The following RNF180 variants were observed in gnomAD, a reference collection of about 807,000 sequenced individuals.
RNF180 encodes the protein ring finger protein 180.
A neutral mutation model predicts 59.2 loss-of-function variants in RNF180; 38 were observed. The observed-to-expected ratio is 0.64, with a 90% CI of 0.50 to 0.84. The LOEUF (loss-of-function observed/expected upper bound fraction) is 0.84, where lower values mean the gene tolerates loss of function less well. Ranked by LOEUF, RNF180 falls within the 40% of genes least tolerant of loss-of-function variation. The pLI is 0.00. For synonymous variants in RNF180, 262 were observed against 240.3 expected, an observed-to-expected ratio of 1.09 and a Z score of -0.84; for missense variants, 705 against 700.9, an observed-to-expected ratio of 1.01 and a Z score of -0.07.
chr5:64,350,348 T>G (rs1460193537), intron 7 of RNF180, among the ~76,000 whole-genome samples: 3 of 152,214 alleles, frequency 2.0e-5, no homozygotes, highest in Non-Finnish European at 4.4e-5. Flanking sequence ...AAAAATTTTC[T>G]CCCGTTCTGT....
intron 6 of RNF180, among the ~76,000 whole-genome samples, chr5:64,329,175 G>A (rs1286139116): frequency 6.6e-6 from 1 of 152,144 alleles, no homozygotes; most frequent in Non-Finnish European, 1.5e-5. Flanking sequence ...GAATGAAATA[G>A]ATTATGAAGT....
At chr5:64,260,981 C>G (rs1744306483) in intron 5 of RNF180, among the ~76,000 whole-genome samples, 1 of 150,554 alleles carries the variant, frequency 6.6e-6, no homozygotes, top group African/African-American at 2.4e-5. Flanking sequence ...GGATTTAATC[C>G]AACAGTCATG....
At chr5:64,225,452 G>A (rs12514446) in intron 5 of RNF180, among the ~76,000 whole-genome samples, 13,867 of 143,582 alleles carry the variant, frequency 0.097, 780 homozygotes, top group South Asian at 0.15. Flanking sequence ...GCCGGCCATC[G>A]TCTGGGATGT....
intron 5 of RNF180, among the ~76,000 whole-genome samples, chr5:64,242,834 C>T (rs1742882181): frequency 6.6e-6 from 1 of 152,178 alleles, no homozygotes; most frequent in Non-Finnish European, 1.5e-5. Context: ...GTCTGCAGCT[C>T]CCAATAAGAT....
Position 64,370,053 on chromosome 5 carries a change from T to C in RNF180, c.*239T>C, listed in dbSNP as rs1746608082. ...CAATGCACTATTAATTTCATAGTTG[T>C]TCTTGGGTTAGGATTTGGGGCTCTG... On this transcript the variant is annotated 3_prime_UTR_variant, in exon 8 of 8. Coordinates refer to ENST00000389100, the MANE Select transcript of RNF180 (RefSeq NM_001113561.2). 1 of 277,164 alleles carries C rather than the reference T, an allele frequency of 3.6e-6. No individual in the cohort carries two copies. Among genetic ancestry groups the C allele is most frequent in the African/African-American group, 2.2e-5 (1 of 45,902 alleles). 17.2% of individuals were successfully genotyped at this position (277,164 alleles called of 1,614,324 possible). A position where few individuals can be genotyped will look rare whatever the true frequency, so the allele number is the denominator to read the frequency against.
chr5:64,293,261 G>T (rs1230746780), intron 5 of RNF180, among the ~76,000 whole-genome samples: 2 of 152,122 alleles, frequency 1.3e-5, no homozygotes, highest in African/African-American at 4.8e-5. Flanking sequence ...GGGGGCTGTT[G>T]TCCCACTCTG....
chr5:64,204,587 G>T (rs1006453507), intron 2 of RNF180, among the ~76,000 whole-genome samples: 26 of 151,360 alleles, frequency 1.7e-4, no homozygotes, highest in Admixed American at 1.5e-3. Flanking sequence ...ACCTTTTTTT[G>T]GTTATTGTAT....
At chr5:64,343,876 G>C (rs1447388081) in intron 7 of RNF180, among the ~76,000 whole-genome samples, 4 of 151,466 alleles carry the variant, frequency 2.6e-5, no homozygotes, top group Admixed American at 2.0e-4. Flanking sequence ...AAGGATCCTA[G>C]CTGGAAGCAC....
chr5:64,205,853 T>C (rs1561187876), intron 2 of RNF180, among the ~76,000 whole-genome samples: 1 of 150,984 alleles, frequency 6.6e-6, no homozygotes, highest in Non-Finnish European at 1.5e-5. Context: ...TACTATCATA[T>C]AGGAACACTT....
intron 5 of RNF180, among the ~76,000 whole-genome samples, chr5:64,245,718 A>C (rs1223128376): frequency 6.6e-6 from 1 of 152,276 alleles, no homozygotes; most frequent in East Asian, 1.9e-4. Context: ...CGAGACAGAA[A>C]ATTTACAAGG....
At position 64,370,098 on chromosome 5, in the gene RNF180, A is replaced by G. The variant is rs1342282988; in HGVS notation, c.*284A>G. 1 of 195,872 alleles carries G rather than the reference A, an allele frequency of 5.1e-6. No individual in the cohort carries two copies. Among genetic ancestry groups the G allele is most frequent in the Non-Finnish European group, 1.0e-5 (1 of 97,358 alleles). The allele number at this position is 195,872 out of a possible 1,614,324, so 12.1% of individuals were successfully genotyped here. A position where few individuals can be genotyped will look rare whatever the true frequency, so the allele number is the denominator to read the frequency against. The stretch of plus-strand genomic sequence containing the variant: ...GCTCTGATTTTATAATATCACTTTA[A>G]TACTTATTTTGATTGTAAAAAACTG... On this transcript the variant is annotated 3_prime_UTR_variant, in exon 8 of 8. Transcript: ENST00000389100.
At chr5:64,242,972 G>A (rs1178460878) in intron 5 of RNF180, among the ~76,000 whole-genome samples, 2 of 152,218 alleles carry the variant, frequency 1.3e-5, no homozygotes, top group Non-Finnish European at 2.9e-5. Context: ...CACCTCACCT[G>A]AGAAGCACAA....
At chr5:64,285,989 G>T (rs554924884) in intron 5 of RNF180, among the ~76,000 whole-genome samples, 1 of 152,034 alleles carries the variant, frequency 6.6e-6, no homozygotes, top group Non-Finnish European at 1.5e-5. Flanking sequence ...CATAGCAAGC[G>T]TGGGCCACTC....
At chr5:64,366,252 C>T (rs1047932614) in intron 7 of RNF180, among the ~76,000 whole-genome samples, 9 of 151,480 alleles carry the variant, frequency 5.9e-5, no homozygotes, top group Non-Finnish European at 3.0e-5. Context: ...ATATGAAATT[C>T]GTGGTTGAAT....
intron 5 of RNF180, among the ~76,000 whole-genome samples, chr5:64,253,232 A>C (rs539332870): frequency 6.6e-6 from 1 of 152,272 alleles, no homozygotes; most frequent in East Asian, 1.9e-4. Flanking sequence ...TGAAGCTATG[A>C]ACCTTCATTC....
intron 7 of RNF180, among the ~76,000 whole-genome samples, chr5:64,343,051 A>G (rs1280112677): frequency 1.3e-5 from 2 of 152,144 alleles, no homozygotes; most frequent in East Asian, 1.9e-4. Context: ...GGAGGGAAAT[A>G]TCAACTTCAG....
At chr5:64,182,022 C>A (rs1482509359) in intron 1 of RNF180, among the ~76,000 whole-genome samples, 1 of 134,532 alleles carries the variant, frequency 7.4e-6, no homozygotes, top group Admixed American at 8.0e-5. Flanking sequence ...GACAGAGTCT[C>A]GCTCTGTCTT....
At chr5:64,280,541 G>A (rs778897050) in intron 5 of RNF180, among the ~76,000 whole-genome samples, 5 of 151,722 alleles carry the variant, frequency 3.3e-5, no homozygotes, top group Admixed American at 6.6e-5. Context: ...AGTTGTCCCA[G>A]TATGATTTAT....
intron 1 of RNF180, among the ~76,000 whole-genome samples, chr5:64,176,443 T>G (rs550289603): frequency 6.6e-6 from 1 of 152,300 alleles, no homozygotes; most frequent in South Asian, 2.1e-4. Flanking sequence ...TTTTAGTCTC[T>G]TCTCGAAAAA....
Sources: allele counts gnomAD v4.1 joint callset (sites outside exome capture counted in the v4.1 genomes callset), GRCh38; gene constraint gnomAD v4.1.1; transcripts MANE v1.5; gene names NCBI Gene and HGNC (gene_info 2026-07-23, HGNC 2026-07-21).